Variants in ARHGEF26 observed in about 807,000 individuals in gnomAD.
The protein encoded by ARHGEF26 is Rho guanine nucleotide exchange factor 26, also known as Rho guanine nucleotide exchange factor (GEF) 26.
Under a neutral mutation model 89.4 loss-of-function variants are expected in ARHGEF26, and 59 were observed. The observed-to-expected ratio is 0.66, with a 90% CI of 0.54 to 0.82. The LOEUF (loss-of-function observed/expected upper bound fraction) is 0.82. Ranked by LOEUF, ARHGEF26 falls within the 40% of genes least tolerant of loss-of-function variation. The probability of loss-of-function intolerance (pLI) is 0.00; values close to 1 mark genes in which losing one functional copy is unlikely to be tolerated. For missense variants in ARHGEF26, 1,234 were observed against 1,085.6 expected (o/e 1.14, Z -1.92); for synonymous variants, 500 against 428.4 (o/e 1.17, Z -2.06).
At chr3:154,200,645 G>C (rs1714569476) in intron 9 of ARHGEF26, among the ~76,000 whole-genome samples, 1 of 151,210 alleles carries the variant, frequency 6.6e-6, no homozygotes. Flanking sequence ...GAATTCTTTG[G>C]GTAGTATGGA....
chr3:154,239,293 AGAGAGAGTGTGTGTGTGTGT>A (rs1559920585), intron 11 of ARHGEF26, among the ~76,000 whole-genome samples: 12 of 59,030 alleles, frequency 2.0e-4, no homozygotes, highest in Admixed American at 3.4e-4. Context: ...AGAGAGAGAG[AGAGAGAGTGTGTGTGTGTGT>A]GTGTGTGTGT....
At chr3:154,141,450 T>A (rs945731291) in intron 4 of ARHGEF26, among the ~76,000 whole-genome samples, 1 of 152,190 alleles carries the variant, frequency 6.6e-6, no homozygotes, top group Non-Finnish European at 1.5e-5. Context: ...CCAGTCAGCT[T>A]TGGCCTCCAT....
intron 9 of ARHGEF26, among the ~76,000 whole-genome samples, chr3:154,198,002 T>C (rs181543690): frequency 6.6e-6 from 1 of 152,290 alleles, no homozygotes; most frequent in African/African-American, 2.4e-5. Flanking sequence ...TTGGAGATAG[T>C]GTTACATTAT....
In ARHGEF26 at chr3:154,138,335, T is replaced by C. The variant is rs1372729276; in HGVS notation, c.1269+8616T>C. Among the ~76,000 whole-genome samples, 3 of 152,232 alleles carry C rather than the reference T, an allele frequency of 2.0e-5. No homozygotes were observed. In the East Asian group the frequency reaches 5.8e-4, roughly 29 times the overall value. ...ATACTAGGAGCACCTTAGTGTAGCT[T>C]GTTATGTATTGAGTACAGTTTCCAT... On this transcript the variant is annotated intron_variant, in intron 4 of 14. Coordinates refer to ENST00000465093, the MANE Select transcript of ARHGEF26 (RefSeq NM_015595.4).
At chr3:154,200,948 A>G (rs940327443) in intron 9 of ARHGEF26, among the ~76,000 whole-genome samples, 2 of 152,114 alleles carry the variant, frequency 1.3e-5, no homozygotes, top group Non-Finnish European at 2.9e-5. Context: ...GTATCCTGCA[A>G]CTTTACTGAA....
chr3:154,152,902 A>G lies in ARHGEF26; in HGVS notation c.1457A>G (p.Asn486Ser). 4 of 1,598,392 alleles carry G rather than the reference A, an allele frequency of 2.5e-6. No homozygotes were observed. Among genetic ancestry groups the G allele is most frequent in the Non-Finnish European group, 3.4e-6 (4 of 1,172,960 alleles). Residue 486 changes from asparagine (N) to serine (S), a missense_variant, in exon 6 of 15, where the codon AAT becomes AGT. Coordinates refer to ENST00000465093, the MANE Select transcript of ARHGEF26 (RefSeq NM_015595.4). Reference sequence around the variant, plus strand: ...ACCGAGAGGCACCATCTTTTCTCCAATATTACAGATGTCTGTGAGGCAAGC... The same window carrying G: ...ACCGAGAGGCACCATCTTTTCTCCAGTATTACAGATGTCTGTGAGGCAAGC... ...TKTERHHLFS[N>S]ITDVCEASKK...
rs1375152685 is a variant in ARHGEF26 at position 154,253,265 on chromosome 3, T to C, written c.2368+82T>C. ...TGGACGCCGGGTTACTAACGAGTTA[T>C]ATTGCCACAATACTTGCCTAAGTTT... is the stretch of plus-strand genomic sequence containing the variant. On this transcript the variant is annotated intron_variant, in intron 13 of 14. Coordinates refer to ENST00000465093, the MANE Select transcript of ARHGEF26 (RefSeq NM_015595.4). The C allele has an allele frequency of 2.4e-5, 36 of 1,506,184 alleles. No homozygotes were observed. In the South Asian group the frequency reaches 3.2e-4, roughly 13 times the overall value. 93.3% of individuals were successfully genotyped at this position (1,506,184 alleles called of 1,614,324 possible). A position where few individuals can be genotyped will look rare whatever the true frequency, so the allele number is the denominator to read the frequency against.
rs545286709 is a variant in ARHGEF26, at chr3:154,123,142, G to A, written c.1083+67G>A. The A allele has an allele frequency of 4.4e-6, 7 of 1,584,710 alleles. No individual in the cohort carries two copies. The African/African-American group carries it at 6.7e-5, about 15-fold the overall frequency. On this transcript the variant is annotated intron_variant, in intron 2 of 14. Coordinates refer to ENST00000465093, the MANE Select transcript of ARHGEF26 (RefSeq NM_015595.4). ...AAAGTAAATGTGTTGGGAGTGGGGAGGAGGAGCGTAGAGGAAACCCGAAGA... is the reference window on the plus strand; with the variant it reads ...AAAGTAAATGTGTTGGGAGTGGGGAAGAGGAGCGTAGAGGAAACCCGAAGA...
At chr3:154,205,420 T>A (rs1466519017) in intron 9 of ARHGEF26, among the ~76,000 whole-genome samples, 1 of 152,184 alleles carries the variant, frequency 6.6e-6, no homozygotes, top group Non-Finnish European at 1.5e-5. Flanking sequence ...AGTGTGTTTC[T>A]TGTAGGCAAC....
chr3:154,239,279 A>G (rs1358804804), intron 11 of ARHGEF26, among the ~76,000 whole-genome samples: 9 of 102,358 alleles, frequency 8.8e-5, no homozygotes, highest in African/African-American at 3.0e-4. Flanking sequence ...AGAGAGAGAG[A>G]GAGAGAGAGA....
Position 154,122,455 on chromosome 3 carries a change from C to A in ARHGEF26, c.463C>A (p.Pro155Thr). 6.2e-7 allele frequency: 1 copy of A among 1,612,214 alleles called. No homozygotes were observed. The highest frequency in any genetic ancestry group is 8.5e-7 in the Non-Finnish European group (1 of 1,179,624). The change falls in exon 2 of 15, where the codon CCC (proline) becomes ACC (threonine). Residue 155 changes from proline (P) to threonine (T), a missense_variant. Pro to Thr is a conservative substitution (Grantham distance 38). Coordinates refer to ENST00000465093, the MANE Select transcript of ARHGEF26 (RefSeq NM_015595.4). The stretch of plus-strand genomic sequence containing the variant: ...CCCGCGGACTCCTAACGCGCCCGCC[C>A]CCTGCACCCCCGAGGAGGACCTTAC... ...RPPRTPNAPAPCTPEEDLTGL... is the reference protein window; with the variant it reads ...RPPRTPNAPATCTPEEDLTGL...
At chr3:154,133,018 GTGT>G (rs1445783232) in intron 4 of ARHGEF26, among the ~76,000 whole-genome samples, 1 of 152,064 alleles carries the variant, frequency 6.6e-6, no homozygotes, top group Admixed American at 6.5e-5. Context: ...GCATTAGCCG[GTGT>G]TGTTTTATTT....
At chr3:154,223,608 A>G (rs571480445) in intron 10 of ARHGEF26, among the ~76,000 whole-genome samples, 110 of 152,332 alleles carry the variant, frequency 7.2e-4, no homozygotes, top group African/African-American at 2.6e-3. Context: ...CATATTGTAT[A>G]ATTCCATTTA....
chr3:154,156,536 T>C (rs1363101538), intron 6 of ARHGEF26, among the ~76,000 whole-genome samples: 2 of 152,210 alleles, frequency 1.3e-5, no homozygotes, highest in Admixed American at 6.5e-5. Context: ...CTCTGTTATA[T>C]TTCAACTAGG....
chr3:154,163,214 T>C (rs553402838), intron 6 of ARHGEF26, among the ~76,000 whole-genome samples: 38 of 152,346 alleles, frequency 2.5e-4, no homozygotes, highest in African/African-American at 9.1e-4. Flanking sequence ...GAACTTAACT[T>C]TTGTTTATAT....
chr3:154,186,886 CTTTTTTTT>C (rs201150057), intron 6 of ARHGEF26, among the ~76,000 whole-genome samples: 12 of 82,042 alleles, frequency 1.5e-4, no homozygotes, highest in Non-Finnish European at 2.4e-4. Context: ...TTATTTCAGA[CTTTTTTTT>C]TTTTTTTTTT....
At chr3:154,244,852 TA>T (rs1717700435) in intron 12 of ARHGEF26, among the ~76,000 whole-genome samples, 1 of 152,034 alleles carries the variant, frequency 6.6e-6, no homozygotes, top group African/African-American at 2.4e-5. Flanking sequence ...GTCTTTCTAG[TA>T]ACAAATTTTA....
intron 13 of ARHGEF26, among the ~76,000 whole-genome samples, chr3:154,253,653 T>C (rs1027352285): frequency 2.6e-4 from 40 of 152,180 alleles, no homozygotes; most frequent in African/African-American, 9.4e-4. Flanking sequence ...CTAAGAATTC[T>C]TTTTGACCTT....
chr3:154,186,351 T>C (rs1360332436), intron 6 of ARHGEF26, among the ~76,000 whole-genome samples: 1 of 148,280 alleles, frequency 6.7e-6, no homozygotes, highest in Non-Finnish European at 1.5e-5. Context: ...GGATAAACAA[T>C]TGCTATCTAT....
Sources: allele counts gnomAD v4.1 joint callset (sites outside exome capture counted in the v4.1 genomes callset), GRCh38; gene constraint gnomAD v4.1.1; transcripts MANE v1.5; gene names NCBI Gene and HGNC (gene_info 2026-07-23, HGNC 2026-07-21).